VPS13B: variants seen among roughly 807,000 people sequenced by gnomAD.
VPS13B encodes vacuolar protein sorting 13 homolog B.
A neutral mutation model predicts 426.4 loss-of-function variants in VPS13B; 285 were observed. That is an observed-to-expected ratio of 0.67 (90% CI 0.61 to 0.74). VPS13B has a LOEUF of 0.74. VPS13B is among the 30% of genes least tolerant of loss of function. The pLI is 0.00. For missense variants in VPS13B, 4,537 were observed against 4,782.6 expected (o/e 0.95, Z 1.51); for synonymous variants, 1,676 against 1,676.4 (o/e 1.00, Z 0.01).
intron 43 of VPS13B, 87 bp from the exon 44 acceptor site, chr8:99,809,288 A>G: frequency 6.5e-7 from 1 of 1,545,416 alleles, no homozygotes; most frequent in South Asian, 1.1e-5. Flanking sequence ...ACAAATGGAA[A>G]GGTTTTCCAG....
chr8:99,662,132 C>G (rs1830252544), intron 35 of VPS13B, among the ~76,000 whole-genome samples: 1 of 152,128 alleles, frequency 6.6e-6, no homozygotes, highest in African/African-American at 2.4e-5. Context: ...GTCATAGTGA[C>G]AGAGGAGCCA....
intron 2 of VPS13B, among the ~76,000 whole-genome samples, chr8:99,014,352 A>T (rs1018823724): frequency 1.3e-5 from 2 of 151,752 alleles, no homozygotes; most frequent in Non-Finnish European, 2.9e-5. Flanking sequence ...TCCTGAGCTT[A>T]GGTGATCCGC....
At chr8:99,391,417 AGATT>A (rs1454555421) in intron 20 of VPS13B, 136 bp from the exon 21 acceptor site, 3 of 1,304,132 alleles carry the variant, frequency 2.3e-6, no homozygotes, top group Middle Eastern at 2.6e-4. Flanking sequence ...AGGGAGGGAG[AGATT>A]GATTGATTTA....
At chr8:99,055,558 G>T (rs558580991) in intron 3 of VPS13B, among the ~76,000 whole-genome samples, 2 of 152,204 alleles carry the variant, frequency 1.3e-5, no homozygotes, top group Non-Finnish European at 2.9e-5. Context: ...ATCTTTAATT[G>T]TGTCAGCAGT....
intron 34 of VPS13B, among the ~76,000 whole-genome samples, chr8:99,647,797 A>T (rs1829651854): frequency 6.6e-6 from 1 of 152,166 alleles, no homozygotes; most frequent in Non-Finnish European, 1.5e-5. Flanking sequence ...GGTCTTAAAA[A>T]TTGTCACTCG....
intron 6 of VPS13B, among the ~76,000 whole-genome samples, chr8:99,113,674 C>G (rs1023614676): frequency 1.3e-5 from 2 of 152,118 alleles, no homozygotes; most frequent in African/African-American, 4.8e-5. Context: ...AAGTGATTCT[C>G]CTGCCTCAGC....
rs769445328 is a variant in VPS13B at position 99,854,186 on chromosome 8, C to T, written c.10797C>T (p.Ile3599=). 9 of 1,614,070 alleles carry T rather than the reference C, an allele frequency of 5.6e-6. No homozygotes were observed. The highest frequency in any genetic ancestry group is 3.3e-5 in the South Asian group (3 of 91,072). The part of the protein sequence containing the change: ...LSFSVFERGP[I]FTTARQLVHA... ...TCTCGGTGTTTGAAAGAGGACCCATCTTCACCACTGCGAGGCAGCTTGTGC... is the reference window on the plus strand; with the variant it reads ...TCTCGGTGTTTGAAAGAGGACCCATTTTCACCACTGCGAGGCAGCTTGTGC... Residue 3599 remains isoleucine (I), a synonymous_variant, in exon 56 of 62, where the codon ATC becomes ATT. Coordinates refer to ENST00000357162, the MANE Select transcript of VPS13B (RefSeq NM_152564.5).
intron 55 of VPS13B, among the ~76,000 whole-genome samples, chr8:99,852,607 A>G (rs572175530): frequency 3.3e-5 from 5 of 152,222 alleles, no homozygotes; most frequent in Admixed American, 6.5e-5. Flanking sequence ...AAAGTCCATC[A>G]TTTGATGTAG....
intron 15 of VPS13B, 116 bp from the exon 16 acceptor site, chr8:99,169,923 T>C (rs550487148): frequency 7.9e-7 from 1 of 1,263,142 alleles, no homozygotes; most frequent in South Asian, 1.2e-5. Flanking sequence ...GGAAAAAGAC[T>C]TTGGAACATA....
intron 39 of VPS13B, 105 bp downstream of exon 39, chr8:99,721,152 C>CA (rs1833113433): frequency 1.7e-6 from 2 of 1,186,030 alleles, no homozygotes; most frequent in Non-Finnish European, 2.5e-6. Context: ...TTAATAGTAT[C>CA]AGAGAGAAAT....
intron 21 of VPS13B, among the ~76,000 whole-genome samples, chr8:99,428,775 A>C (rs183862506): frequency 2.6e-5 from 4 of 152,308 alleles, no homozygotes; most frequent in Admixed American, 2.6e-4. Context: ...GCCATCCATT[A>C]CTTGGTATAT....
At chr8:99,320,404 C>G (rs973928196) in intron 19 of VPS13B, among the ~76,000 whole-genome samples, 1 of 152,140 alleles carries the variant, frequency 6.6e-6, no homozygotes, top group South Asian at 2.1e-4. Context: ...ATTTCTTCCT[C>G]TTCTTCAATT....
In VPS13B at chr8:99,652,339, C is replaced by A. The variant is rs115134659; in HGVS notation, c.5909-9015C>A. Among the ~76,000 whole-genome samples, 348 of 152,148 alleles carry A rather than the reference C, an allele frequency of 2.3e-3. 3 individuals carry two copies. The highest frequency in any genetic ancestry group is 8.1e-3 in the African/African-American group (338 of 41,518). The stretch of plus-strand genomic sequence containing the variant: ...TACTGGTAGCAGCCTCCTAGTGTTG[C>A]TATTAGGATTAAACAATGTATGCGA... On this transcript the variant is annotated intron_variant, in intron 34 of 61. Coordinates refer to ENST00000357162, the MANE Select transcript of VPS13B (RefSeq NM_152564.5).
At chr8:99,111,490 T>G (rs1847366092) in intron 6 of VPS13B, among the ~76,000 whole-genome samples, 1 of 152,010 alleles carries the variant, frequency 6.6e-6, no homozygotes, top group Non-Finnish European at 1.5e-5. Context: ...AGAGACAACT[T>G]TTTTCTGTAA....
intron 33 of VPS13B, among the ~76,000 whole-genome samples, chr8:99,600,613 A>G (rs1380949745): frequency 2.0e-5 from 3 of 152,152 alleles, no homozygotes; most frequent in African/African-American, 4.8e-5. Flanking sequence ...TCCTGTAGTA[A>G]TTCAGATAAC....
At chr8:99,714,538 A>G (rs1048635142) in intron 36 of VPS13B, among the ~76,000 whole-genome samples, 1 of 152,200 alleles carries the variant, frequency 6.6e-6, no homozygotes, top group Non-Finnish European at 1.5e-5. Context: ...AAAAATACTT[A>G]TTTACAAGGG....
At chr8:99,867,576 G>C (rs538168135) in intron 58 of VPS13B, among the ~76,000 whole-genome samples, 2 of 152,222 alleles carry the variant, frequency 1.3e-5, no homozygotes, top group African/African-American at 4.8e-5. Context: ...GCTATGCTGT[G>C]ACTCAAACTC....
intron 39 of VPS13B, among the ~76,000 whole-genome samples, chr8:99,744,237 A>G (rs1332750676): frequency 6.6e-6 from 1 of 152,254 alleles, no homozygotes; most frequent in Non-Finnish European, 1.5e-5. Context: ...ATCACTGGCC[A>G]TCAGAGAAAT....
chr8:99,717,419 C>G, intron 37 of VPS13B, 46 bp downstream of exon 37: 1 of 1,521,782 alleles, frequency 6.6e-7, no homozygotes, highest in Non-Finnish European at 9.1e-7. Context: ...ATTAACTAGC[C>G]TCTGTTCATT....
Sources: allele counts gnomAD v4.1 joint callset (sites outside exome capture counted in the v4.1 genomes callset), GRCh38; gene constraint gnomAD v4.1.1; transcripts MANE v1.5; gene names NCBI Gene and HGNC (gene_info 2026-07-23, HGNC 2026-07-21).